The following KDM4C variants were observed in gnomAD, a reference collection of about 807,000 sequenced individuals.
KDM4C encodes the protein lysine demethylase 4C.
KDM4C carries 81 observed loss-of-function variants against 129.3 expected under a neutral mutation model. The ratio of observed to expected loss-of-function variants is 0.63; its 90% CI spans 0.52 to 0.75. The LOEUF (loss-of-function observed/expected upper bound fraction) is 0.75. KDM4C is among the 30% of genes least tolerant of loss of function. KDM4C has a pLI of 0.00. For synonymous variants in KDM4C, 573 were observed against 456.1 expected (o/e 1.26, Z -3.26); for missense variants, 1,457 against 1,304.0 (o/e 1.12, Z -1.81).
intron 5 of KDM4C, among the ~76,000 whole-genome samples, chr9:6,867,017 AT>A (rs139668753): frequency 0.01 from 877 of 83,692 alleles, 16 homozygotes; most frequent in African/African-American, 0.037. Flanking sequence ...ATATATATAT[AT>A]TTTTTTTTTT....
chr9:6,757,247 T>C (rs771317725), upstream of KDM4C, among the ~76,000 whole-genome samples: 1 of 152,088 alleles, frequency 6.6e-6, no homozygotes, highest in Non-Finnish European at 1.5e-5. Flanking sequence ...CTGGCCAAAC[T>C]GTTATCAACT....
At chr9:6,735,109 G>A in intron 1 of KDM4C, 1 of 359,056 alleles carries the variant, frequency 2.8e-6, no homozygotes, top group Non-Finnish European at 5.4e-6. Flanking sequence ...ACTGGGCAGT[G>A]CTAGGGGACA....
chr9:7,091,003 A>AT (rs1835730906), intron 17 of KDM4C, among the ~76,000 whole-genome samples: 1 of 152,216 alleles, frequency 6.6e-6, no homozygotes, highest in Non-Finnish European at 1.5e-5. Context: ...GATGCATTTT[A>AT]TGGGCAGGTG....
chr9:6,849,834 A>G, intron 5 of KDM4C, 134 bp downstream of exon 5: 1 of 685,354 alleles, frequency 1.5e-6, no homozygotes, highest in Non-Finnish European at 2.4e-6. Flanking sequence ...TTTGACTGTA[A>G]TAGTTAATTG....
chr9:7,094,931 G>C (rs1281997040), intron 17 of KDM4C, among the ~76,000 whole-genome samples: 1 of 152,154 alleles, frequency 6.6e-6, no homozygotes, highest in Non-Finnish European at 1.5e-5. Flanking sequence ...CAGGGGCCTT[G>C]GGATAGCTTC....
At chr9:6,983,772 C>T (rs1473137174) in intron 9 of KDM4C, among the ~76,000 whole-genome samples, 1 of 96,450 alleles carries the variant, frequency 1.0e-5, no homozygotes, top group Non-Finnish European at 2.1e-5. Flanking sequence ...ACTAGCCTAA[C>T]AGGATATTCT....
intron 5 of KDM4C, among the ~76,000 whole-genome samples, chr9:6,863,810 A>AG (rs1563717681): frequency 6.8e-6 from 1 of 146,236 alleles, no homozygotes; most frequent in East Asian, 2.0e-4. Context: ...AAAAAAAAAA[A>AG]AAGAGAGAGA....
chr9:6,805,035 G>T (rs1055339751), intron 2 of KDM4C, among the ~76,000 whole-genome samples: 4 of 151,932 alleles, frequency 2.6e-5, no homozygotes, highest in Admixed American at 2.0e-4. Context: ...CGGGTAGCTG[G>T]GACTACAGGT....
chr9:6,800,022 A>G (rs886847008), intron 2 of KDM4C, among the ~76,000 whole-genome samples: 2 of 151,894 alleles, frequency 1.3e-5, no homozygotes, highest in Non-Finnish European at 2.9e-5. Context: ...CATGAGTTCG[A>G]GACCAGCCCT....
intron 1 of KDM4C, among the ~76,000 whole-genome samples, chr9:6,752,431 G>A (rs1392655631): frequency 3.6e-5 from 5 of 138,068 alleles, no homozygotes; most frequent in African/African-American, 1.3e-4. Flanking sequence ...TTTTTTTCCG[G>A]TGGAGTTTCG....
At chr9:7,048,541 C>A (rs1829727141) in intron 16 of KDM4C, among the ~76,000 whole-genome samples, 1 of 152,082 alleles carries the variant, frequency 6.6e-6, no homozygotes, top group African/African-American at 2.4e-5. Context: ...AACTTCATTT[C>A]TTTTTGTCTC....
chr9:6,930,271 G>C (rs567017889), intron 8 of KDM4C, among the ~76,000 whole-genome samples: 40 of 152,256 alleles, frequency 2.6e-4, no homozygotes, highest in African/African-American at 9.6e-4. Flanking sequence ...CACATTCTCA[G>C]AATAACGCTG....
At chr9:6,903,891 A>G (rs1408218878) in intron 8 of KDM4C, among the ~76,000 whole-genome samples, 2 of 152,222 alleles carry the variant, frequency 1.3e-5, no homozygotes, top group Non-Finnish European at 2.9e-5. Context: ...ACACAATGTT[A>G]TTCAAGATCC....
At chr9:6,876,164 T>C (rs1843523497) in intron 5 of KDM4C, among the ~76,000 whole-genome samples, 1 of 152,204 alleles carries the variant, frequency 6.6e-6, no homozygotes, top group Admixed American at 6.5e-5. Context: ...CTGATACTTT[T>C]TGAACATTTT....
chr9:6,914,914 TATCTG>T (rs1157072432), intron 8 of KDM4C, among the ~76,000 whole-genome samples: 1 of 152,234 alleles, frequency 6.6e-6, no homozygotes, highest in Non-Finnish European at 1.5e-5. Context: ...ATTTGTGAAT[TATCTG>T]TAATTTGCTT....
chr9:6,941,700 A>C (rs1305942862), intron 8 of KDM4C: 1 of 152,232 alleles, frequency 6.6e-6, no homozygotes, highest in East Asian at 1.9e-4. Context: ...CAGCCAAGCC[A>C]GAGATGGCCA....
chr9:6,999,065 A>T (rs1467452932), intron 12 of KDM4C, among the ~76,000 whole-genome samples: 1 of 152,210 alleles, frequency 6.6e-6, no homozygotes, highest in Admixed American at 6.5e-5. Flanking sequence ...ATTGTCCCTC[A>T]AACAAAAGGA....
chr9:6,998,351 A>C (rs1820143922), intron 12 of KDM4C, among the ~76,000 whole-genome samples: 2 of 152,212 alleles, frequency 1.3e-5, no homozygotes, highest in South Asian at 4.1e-4. Context: ...CCATCATTTA[A>C]CCCATCTAAC....
chr9:6,839,396 G>GT (rs36061484), intron 4 of KDM4C, among the ~76,000 whole-genome samples: 19,937 of 109,820 alleles, frequency 0.18, 2,230 homozygotes, highest in Middle Eastern at 0.23. Flanking sequence ...CACCTGGCCA[G>GT]TTTTTTTTTT....
Sources: gnomAD v4.1 joint callset for allele counts (sites outside exome capture counted in the v4.1 genomes callset) on GRCh38, gnomAD v4.1.1 for gene constraint, MANE v1.5 for transcripts, NCBI Gene and HGNC (gene_info 2026-07-23, HGNC 2026-07-21) for gene names.